The following POGZ variants were observed in gnomAD, a reference collection of about 807,000 sequenced individuals.
POGZ encodes pogo transposable element with ZNF domain.
A neutral mutation model predicts 134.6 loss-of-function variants in POGZ; 17 were observed. The observed-to-expected ratio is 0.13, with a 90% CI of 0.09 to 0.19. The LOEUF (loss-of-function observed/expected upper bound fraction) is 0.19. POGZ is among the 10% of genes least tolerant of loss of function. The pLI is 1.00. For missense variants in POGZ, 1,306 were observed against 1,769.7 expected (o/e 0.74, Z 4.70); for synonymous variants, 693 against 657.1 (o/e 1.05, Z -0.84).
intron 5 of POGZ, among the ~76,000 whole-genome samples, chr1:151,428,956 G>C (rs1658234078): frequency 6.6e-6 from 1 of 151,964 alleles, no homozygotes; most frequent in African/African-American, 2.4e-5. Context: ...ACCCCTATGG[G>C]CTACGAGAAC....
At chr1:151,435,429 A>G (rs1659411039) in intron 3 of POGZ, among the ~76,000 whole-genome samples, 1 of 152,162 alleles carries the variant, frequency 6.6e-6, no homozygotes. Flanking sequence ...TAAAATACTG[A>G]GTAGTAAATT....
intron 3 of POGZ, chr1:151,439,178 T>C (rs1417120328): frequency 6.6e-6 from 1 of 152,218 alleles, no homozygotes; most frequent in Non-Finnish European, 1.5e-5. Flanking sequence ...AAATACAGTT[T>C]AGTCACTTAG....
At chr1:151,407,557 T>C (rs545624911) in intron 15 of POGZ, among the ~76,000 whole-genome samples, 5 of 152,326 alleles carry the variant, frequency 3.3e-5, no homozygotes, top group African/African-American at 7.2e-5. Flanking sequence ...CTAATACTAC[T>C]GGTACTTGAA....
rs1653691445 is a variant in POGZ, at chr1:151,406,619, A to G, written c.2558T>C (p.Ile853Thr). ...GAGTTTTTGTTACCTTGAGTGAGCTATCCAAGTGAGTCCTATGGAAAATGA... is the reference window on the plus strand; with the variant it reads ...GAGTTTTTGTTACCTTGAGTGAGCTGTCCAAGTGAGTCCTATGGAAAATGA... ...SSILPRGLTW[I>T]AHSRHGQTRD... Residue 853 changes from isoleucine (I) to threonine (T), a missense_variant, in exon 18 of 19, where the codon ATA (isoleucine) becomes ACA (threonine). Coordinates refer to ENST00000271715, the MANE Select transcript of POGZ (RefSeq NM_015100.4). 1.2e-6 allele frequency: 2 copies of G among 1,611,034 alleles called. No homozygotes were observed. Among genetic ancestry groups the G allele is most frequent in the Non-Finnish European group, 1.7e-6 (2 of 1,179,374 alleles).
intron 4 of POGZ, among the ~76,000 whole-genome samples, 194 bp from the exon 5 acceptor site, chr1:151,429,905 A>C (rs1445539517): frequency 6.6e-6 from 1 of 152,186 alleles, no homozygotes; most frequent in African/African-American, 2.4e-5. Context: ...AAAATATCAA[A>C]ATTAGAGAAC....
At chr1:151,410,169 C>T (rs1283902379) in intron 12 of POGZ, among the ~76,000 whole-genome samples, 1 of 152,148 alleles carries the variant, frequency 6.6e-6, no homozygotes, top group Non-Finnish European at 1.5e-5. Flanking sequence ...TATTTTAAAA[C>T]GAAGTCATAG....
intron 3 of POGZ, among the ~76,000 whole-genome samples, chr1:151,440,182 G>C (rs1033876284): frequency 6.7e-6 from 1 of 148,784 alleles, no homozygotes; most frequent in African/African-American, 2.5e-5. Context: ...ACATTTTTTT[G>C]TTCCTTTTTT....
At chr1:151,408,027 AAAAAGAAGAAGAAG>A in intron 15 of POGZ, 59 bp downstream of exon 15, 2 of 651,968 alleles carry the variant, frequency 3.1e-6, no homozygotes, top group Admixed American at 4.6e-5. Context: ...AAAAAAAAAA[AAAAAGAAGAAGAAG>A]AAGAAGAAAA....
Position 151,407,766 on chromosome 1 carries a change from T to C in POGZ, c.2375+334A>G, listed in dbSNP as rs141825073. 6.3e-3 allele frequency among the ~76,000 whole-genome samples: 961 copies of C among 152,082 alleles called. 16 individuals carry two copies. The highest frequency in any genetic ancestry group is 0.022 in the African/African-American group (907 of 41,490). ...GCTCATGTCTGTAATCCCAGCACTT[T>C]AGGGAGGCCGAGGCAGGTGGATCAC... On this transcript the variant is annotated intron_variant, in intron 15 of 18. Coordinates refer to ENST00000271715, the MANE Select transcript of POGZ (RefSeq NM_015100.4).
At chr1:151,451,038 A>T (rs1314407444) in intron 1 of POGZ, 1 of 151,978 alleles carries the variant, frequency 6.6e-6, no homozygotes, top group Admixed American at 6.6e-5. Context: ...GATGTGGTGA[A>T]ACCCCGTCTC....
At chr1:151,447,235 A>C (rs939727279) in intron 1 of POGZ, among the ~76,000 whole-genome samples, 3 of 151,886 alleles carry the variant, frequency 2.0e-5, no homozygotes, top group Non-Finnish European at 4.4e-5. Context: ...AAAATACAAA[A>C]ATTAGCCAGG....
At chr1:151,455,573 T>C (rs765631412) in intron 1 of POGZ, among the ~76,000 whole-genome samples, 2 of 152,238 alleles carry the variant, frequency 1.3e-5, no homozygotes, top group Non-Finnish European at 2.9e-5. Context: ...TTACCACAAA[T>C]TTTTAAAATG....
At chr1:151,451,881 C>T (rs1662133064) in intron 1 of POGZ, among the ~76,000 whole-genome samples, 2 of 151,086 alleles carry the variant, frequency 1.3e-5, no homozygotes, top group African/African-American at 4.8e-5. Context: ...TGGATCACCT[C>T]AGATCAGGAG....
chr1:151,438,975 C>A (rs796671044), intron 3 of POGZ: 12 of 152,052 alleles, frequency 7.9e-5, no homozygotes, highest in African/African-American at 2.9e-4. Flanking sequence ...GCTAACAGAA[C>A]TTTAACAGTT....
At position 151,405,771 on chromosome 1, in the gene POGZ, A is replaced by G; in HGVS notation, c.3264T>C (p.Ala1088=). ...RHHLTPHARR[A]VAHTLPKDVA... Reference sequence around the variant, plus strand: ...CATCCTTAGGTAGGGTGTGGGCCACAGCTCGCCGGGCATGGGGAGTCAGGT... The same window carrying G: ...CATCCTTAGGTAGGGTGTGGGCCACGGCTCGCCGGGCATGGGGAGTCAGGT... Residue 1088 remains alanine, a synonymous_variant, in exon 19 of 19, where the codon GCT becomes GCC. Transcript: ENST00000271715. The surrounding 1 kb of genome is among the most constrained non-coding windows in gnomAD (Gnocchi z 4.9). 6.2e-7 allele frequency: 1 copy of G among 1,614,220 alleles called. No individual in the cohort carries two copies. The highest frequency in any genetic ancestry group is 8.5e-7 in the Non-Finnish European group (1 of 1,180,024).
intron 14 of POGZ, 69 bp from the exon 15 acceptor site, chr1:151,408,309 C>T (rs1276299575): frequency 3.2e-6 from 5 of 1,581,858 alleles, no homozygotes; most frequent in South Asian, 1.1e-5. Flanking sequence ...GATTTTCAGA[C>T]AACAAACCCT....
intron 3 of POGZ, among the ~76,000 whole-genome samples, chr1:151,434,254 C>T (rs754902830): frequency 1.3e-4 from 20 of 152,106 alleles, no homozygotes; most frequent in Non-Finnish European, 1.9e-4. Context: ...CTTCAGTGAG[C>T]CAAGATTGTG....
In POGZ at chr1:151,425,369, A is replaced by G; in HGVS notation, c.1079-308T>C. 7 of 204,520 alleles carry G rather than the reference A, an allele frequency of 3.4e-5. No homozygotes were observed. The South Asian group carries it at 6.3e-4, about 19-fold the overall frequency. 12.7% of individuals were successfully genotyped at this position (204,520 alleles called of 1,614,324 possible). A position where few individuals can be genotyped will look rare whatever the true frequency, so the allele number is the denominator to read the frequency against. On this transcript the variant is annotated intron_variant, in intron 7 of 18. Coordinates refer to ENST00000271715, the MANE Select transcript of POGZ (RefSeq NM_015100.4). Reference sequence around the variant, plus strand: ...AGGCCAGGGGTCAGCAAACCACAGCACACAGATCAAATCCAGCCCAGCTAC... The same window carrying G: ...AGGCCAGGGGTCAGCAAACCACAGCGCACAGATCAAATCCAGCCCAGCTAC...
At chr1:151,441,295 G>A (rs930907294) in intron 2 of POGZ, among the ~76,000 whole-genome samples, 3 of 152,080 alleles carry the variant, frequency 2.0e-5, no homozygotes, top group African/African-American at 7.2e-5. Flanking sequence ...CACATCTCCT[G>A]GTTAATTAAG....
Sources: gnomAD v4.1 joint callset for allele counts (sites outside exome capture counted in the v4.1 genomes callset) on GRCh38, gnomAD v4.1.1 for gene constraint, Gnocchi (gnomAD v3.1) non-coding constraint, MANE v1.5 for transcripts, NCBI Gene and HGNC (gene_info 2026-07-23, HGNC 2026-07-21) for gene names.